Variants in CDK6 observed in about 807,000 individuals in gnomAD.
CDK6 encodes cyclin-dependent kinase 6.
A neutral mutation model predicts 37.1 loss-of-function variants in CDK6; 6 were observed. The ratio of observed to expected loss-of-function variants is 0.16; its 90% CI spans 0.09 to 0.32. The LOEUF (loss-of-function observed/expected upper bound fraction) is 0.32. Among genes scored for constraint, CDK6 ranks in the 10% least tolerant of loss-of-function variants. The pLI is 1.00. For synonymous variants in CDK6, 160 were observed against 161.3 expected, an observed-to-expected ratio of 0.99 and a Z score of 0.06; for missense variants, 224 against 418.9, an observed-to-expected ratio of 0.53 and a Z score of 4.06.
intron 2 of CDK6, among the ~76,000 whole-genome samples, chr7:92,810,725 G>A (rs1239599928): frequency 6.6e-6 from 1 of 152,208 alleles, no homozygotes; most frequent in Admixed American, 6.5e-5. Flanking sequence ...AACAGTAATA[G>A]TAAGTAGATG....
intron 3 of CDK6, among the ~76,000 whole-genome samples, chr7:92,749,811 CA>C (rs1799147246): frequency 6.6e-6 from 1 of 152,122 alleles, no homozygotes; most frequent in African/African-American, 2.4e-5. Flanking sequence ...CCTTATTTGA[CA>C]AATACGCAAG....
intron 5 of CDK6, among the ~76,000 whole-genome samples, chr7:92,670,739 T>A (rs1182957916): frequency 6.6e-6 from 1 of 152,240 alleles, no homozygotes; most frequent in Non-Finnish European, 1.5e-5. Flanking sequence ...ATCACCAATG[T>A]GTGGAGGTCC....
At chr7:92,826,838 T>C (rs1801330203) in intron 2 of CDK6, among the ~76,000 whole-genome samples, 1 of 152,142 alleles carries the variant, frequency 6.6e-6, no homozygotes, top group African/African-American at 2.4e-5. Context: ...TCTAAGGGGT[T>C]TAAAATTTCA....
Position 92,833,712 on chromosome 7 carries a change from T to G in CDK6, c.-367-22A>C, listed in dbSNP as rs191039992. ...GCACCTAAAGGAGGAGACGGGAGGA[T>G]AAGAAGAAAGTGCAATCAGACAGCC... On this transcript the variant is annotated intron_variant, in intron 1 of 7. Coordinates refer to ENST00000424848, the MANE Select transcript of CDK6 (RefSeq NM_001145306.2). This position sits in a 1 kb window ranked among gnomAD's most constrained non-coding sequence, Gnocchi z 6.1. The G allele has an allele frequency of 3.2e-4, 138 of 432,352 alleles. No homozygotes were observed. The highest frequency in any genetic ancestry group is 2.6e-3 in the African/African-American group (126 of 48,702). 26.8% of individuals were successfully genotyped at this position (432,352 alleles called of 1,614,324 possible).
rs964651377 is a variant in CDK6 at position 92,614,622 on chromosome 7, T to C, written c.*518A>G. The C allele has an allele frequency of 4.3e-6, 1 of 234,228 alleles. No individual in the cohort carries two copies. The highest frequency in any genetic ancestry group is 8.4e-6 in the Non-Finnish European group (1 of 118,560). The allele number at this position is 234,228 out of a possible 1,614,324, so 14.5% of individuals were successfully genotyped here. The stretch of plus-strand genomic sequence containing the variant: ...AAATGCCTGTTATTTACTGACCACC[T>C]TGAGTCTTTAAAATTGAATTATTCT... On this transcript the variant is annotated 3_prime_UTR_variant, in exon 8 of 8. Coordinates refer to ENST00000424848, the MANE Select transcript of CDK6 (RefSeq NM_001145306.2).
At chr7:92,642,625 C>G (rs1218412205) in intron 5 of CDK6, among the ~76,000 whole-genome samples, 5 of 152,066 alleles carry the variant, frequency 3.3e-5, no homozygotes, top group African/African-American at 4.8e-5. Context: ...TGAACATGTA[C>G]AATGCAAAAA....
chr7:92,703,341 A>G (rs1797898729), intron 4 of CDK6, among the ~76,000 whole-genome samples: 2 of 152,190 alleles, frequency 1.3e-5, no homozygotes, highest in Admixed American at 1.3e-4. Flanking sequence ...CTCATTAGAC[A>G]CAGATAAATC....
At chr7:92,658,502 G>C (rs1489049134) in intron 5 of CDK6, among the ~76,000 whole-genome samples, 1 of 152,054 alleles carries the variant, frequency 6.6e-6, no homozygotes, top group Non-Finnish European at 1.5e-5. Flanking sequence ...AAGAGTATCG[G>C]GTAAGCCCAT....
chr7:92,638,775 AC>A (rs991125280), intron 5 of CDK6, among the ~76,000 whole-genome samples: 2 of 151,762 alleles, frequency 1.3e-5, no homozygotes, highest in South Asian at 4.2e-4. Flanking sequence ...ATGTCTTTTG[AC>A]CCCCCCAGAG....
chr7:92,746,273 G>A (rs1799055678), intron 3 of CDK6, among the ~76,000 whole-genome samples: 1 of 152,134 alleles, frequency 6.6e-6, no homozygotes, highest in Non-Finnish European at 1.5e-5. Context: ...TGAGAAGTGA[G>A]AAGTCTCAGT....
At chr7:92,659,633 CACCA>C (rs1343725562) in intron 5 of CDK6, among the ~76,000 whole-genome samples, 6 of 149,348 alleles carry the variant, frequency 4.0e-5, no homozygotes, top group African/African-American at 1.0e-4. Flanking sequence ...CACACACACA[CACCA>C]CACACACACA....
chr7:92,725,286 C>T (rs1175699744), intron 4 of CDK6: 14 of 985,296 alleles, frequency 1.4e-5, no homozygotes, highest in Admixed American at 6.1e-5. Context: ...TCTTCCCTGA[C>T]CTTGAGCTGT....
At chr7:92,661,803 A>G (rs918064644) in intron 5 of CDK6, among the ~76,000 whole-genome samples, 1 of 152,186 alleles carries the variant, frequency 6.6e-6, no homozygotes, top group African/African-American at 2.4e-5. Context: ...TAATCTGTAT[A>G]TAAGTGGACC....
At chr7:92,797,955 C>G (rs1056258982) in intron 2 of CDK6, among the ~76,000 whole-genome samples, 1 of 152,180 alleles carries the variant, frequency 6.6e-6, no homozygotes, top group African/African-American at 2.4e-5. Context: ...AAACTGTCCC[C>G]TCTGGAAGTT....
At chr7:92,670,288 G>T (rs1324722390) in intron 5 of CDK6, among the ~76,000 whole-genome samples, 1 of 152,196 alleles carries the variant, frequency 6.6e-6, no homozygotes, top group Non-Finnish European at 1.5e-5. Context: ...TCCTTGTGAT[G>T]ATCTCCTATC....
intron 2 of CDK6, among the ~76,000 whole-genome samples, chr7:92,781,209 T>G (rs958343456): frequency 6.6e-6 from 1 of 152,224 alleles, no homozygotes; most frequent in Non-Finnish European, 1.5e-5. Context: ...CATTTCACAA[T>G]TAAGTTGGCC....
intron 4 of CDK6, among the ~76,000 whole-genome samples, chr7:92,697,154 C>T (rs2282990): frequency 0.097 from 14,759 of 152,236 alleles, 821 homozygotes; most frequent in South Asian, 0.23. Context: ...TTCAGCTTCT[C>T]GAAGAATGCT....
At chr7:92,751,795 G>A (rs973327887) in intron 3 of CDK6, among the ~76,000 whole-genome samples, 6 of 152,018 alleles carry the variant, frequency 3.9e-5, no homozygotes, top group African/African-American at 1.4e-4. Flanking sequence ...TTTATACCAT[G>A]TGGTTTAATA....
intron 4 of CDK6, 140 bp downstream of exon 4, chr7:92,725,486 G>A (rs1798489675): frequency 9.3e-7 from 1 of 1,070,298 alleles, no homozygotes; most frequent in East Asian, 2.7e-5. Context: ...CCTACCCACT[G>A]CCATATAAAA....
Sources: allele counts gnomAD v4.1 joint callset (sites outside exome capture counted in the v4.1 genomes callset), GRCh38; gene constraint gnomAD v4.1.1; non-coding constraint Gnocchi (gnomAD v3.1); transcripts MANE v1.5; gene names NCBI Gene and HGNC (gene_info 2026-07-23, HGNC 2026-07-21).